Variants in SHROOM3 observed in about 807,000 individuals in gnomAD.
SHROOM3 encodes shroom family member 3.
SHROOM3 carries 47 observed loss-of-function variants against 138.6 expected under a neutral mutation model. The observed-to-expected ratio is 0.34, with a 90% CI of 0.27 to 0.43. The LOEUF (loss-of-function observed/expected upper bound fraction) is 0.43, where lower values mean the gene tolerates loss of function less well. Ranked by LOEUF, SHROOM3 falls within the 20% of genes least tolerant of loss-of-function variation. The probability of loss-of-function intolerance (pLI) is 1.00; values close to 1 mark genes in which losing one functional copy is unlikely to be tolerated. For synonymous variants in SHROOM3, 1,062 were observed against 1,063.3 expected, an observed-to-expected ratio of 1.00 and a Z score of 0.02; for missense variants, 2,491 against 2,596.5, an observed-to-expected ratio of 0.96 and a Z score of 0.88.
chr4:76,641,091 T>C (rs927555320), intron 2 of SHROOM3, among the ~76,000 whole-genome samples: 1 of 152,240 alleles, frequency 6.6e-6, no homozygotes, highest in African/African-American at 2.4e-5. Flanking sequence ...GTATCTGTTG[T>C]ACCGAAAGTA....
intron 2 of SHROOM3, among the ~76,000 whole-genome samples, chr4:76,642,127 T>C (rs1735687847): frequency 2.0e-5 from 3 of 152,186 alleles, no homozygotes; most frequent in Admixed American, 6.5e-5. Context: ...TTATATGTGC[T>C]TCTGATATAG....
chr4:76,517,198 A>T lies in SHROOM3; in HGVS notation c.169-38411A>T, dbSNP rs191064395. 5.8e-3 allele frequency among the ~76,000 whole-genome samples: 878 copies of T among 152,332 alleles called. 6 individuals carry two copies. The highest frequency in any genetic ancestry group is 0.02 in the African/African-American group (847 of 41,580). ...TTGATACATGGAAAATGTCTGCCAG[A>T]GGCCCTGGTGAGAAAGAGTCCGTGT... is the stretch of plus-strand genomic sequence containing the variant. On this transcript the variant is annotated intron_variant, in intron 1 of 10. Coordinates refer to ENST00000296043, the MANE Select transcript of SHROOM3 (RefSeq NM_020859.4).
In SHROOM3 at chr4:76,735,856, AAAAAAAAAAAAAATATATATAT is replaced by A. The variant is rs1483557484; in HGVS notation, c.588-2903_588-2882del. On this transcript the variant is annotated intron_variant, in intron 4 of 10. Transcript: ENST00000296043. ...CTCTATCTTAAAAAAAAAAAAAAAA[AAAAAAAAAAAAAATATATATAT>A]ATATATATATATATATATATATATA... Among the ~76,000 whole-genome samples, 132 of 47,990 alleles carry A rather than the reference AAAAAAAAAAAAAATATATATAT, an allele frequency of 2.8e-3. 1 individual carries two copies. The highest frequency in any genetic ancestry group is 0.024 in the Admixed American group (104 of 4,326). 31.5% of individuals were successfully genotyped at this position (47,990 alleles called of 152,430 possible).
At chr4:76,684,127 C>T (rs1719270788) in intron 2 of SHROOM3, among the ~76,000 whole-genome samples, 3 of 152,158 alleles carry the variant, frequency 2.0e-5, no homozygotes, top group Non-Finnish European at 4.4e-5. Flanking sequence ...ATATCCTTTG[C>T]AATTAATTTA....
intron 2 of SHROOM3, among the ~76,000 whole-genome samples, chr4:76,608,542 TAGCATAGC>T (rs1734672462): frequency 1.9e-5 from 1 of 51,352 alleles, no homozygotes. Context: ...TAGCATAGCA[TAGCATAGC>T]ATAGCATAGC....
At chr4:76,606,804 A>G (rs2110058286) in intron 2 of SHROOM3, among the ~76,000 whole-genome samples, 1 of 152,358 alleles carries the variant, frequency 6.6e-6, no homozygotes, top group South Asian at 2.1e-4. Context: ...TACATGCATT[A>G]TACATTAAAT....
chr4:76,750,132 T>A (rs1280216260), intron 6 of SHROOM3, among the ~76,000 whole-genome samples: 2 of 152,202 alleles, frequency 1.3e-5, no homozygotes, highest in Admixed American at 1.3e-4. Context: ...ATGCTCTTGC[T>A]CCTATAGCTG....
chr4:76,566,910 T>G (rs1733736342), intron 2 of SHROOM3, among the ~76,000 whole-genome samples: 1 of 152,260 alleles, frequency 6.6e-6, no homozygotes, highest in South Asian at 2.1e-4. Flanking sequence ...GTTGGCAAAA[T>G]TATGTCTCTA....
chr4:76,575,872 G>A (rs1342021211), intron 2 of SHROOM3, among the ~76,000 whole-genome samples: 1 of 152,048 alleles, frequency 6.6e-6, no homozygotes, highest in African/African-American at 2.4e-5. Flanking sequence ...CATATAAATG[G>A]CAAACAGATA....
chr4:76,611,789 A>G (rs977685489), intron 2 of SHROOM3, among the ~76,000 whole-genome samples: 2 of 152,154 alleles, frequency 1.3e-5, no homozygotes, highest in African/African-American at 4.8e-5. Flanking sequence ...TGACTTGGGG[A>G]GACTGCCCGT....
chr4:76,686,667 T>C (rs1719344508), intron 2 of SHROOM3, among the ~76,000 whole-genome samples: 1 of 152,144 alleles, frequency 6.6e-6, no homozygotes. Context: ...TCTCAATATC[T>C]ATATGAATCA....
At chr4:76,570,039 T>C (rs1361449522) in intron 2 of SHROOM3, among the ~76,000 whole-genome samples, 3 of 152,118 alleles carry the variant, frequency 2.0e-5, no homozygotes, top group African/African-American at 7.2e-5. Context: ...CCTTGATATA[T>C]AGGTAAAGTT....
In SHROOM3 at chr4:76,779,882, T is replaced by C. The variant is rs1391758937; in HGVS notation, c.*705T>C. The C allele has an allele frequency of 1.3e-5, 2 of 152,728 alleles. No individual in the cohort carries two copies. Among genetic ancestry groups the C allele is most frequent in the African/African-American group, 2.4e-5 (1 of 41,472 alleles). The allele number at this position is 152,728 out of a possible 1,614,324, so 9.5% of individuals were successfully genotyped here. ...TTCTGCGCTTCCACTGGACTGAGTATGGGGGAGTCCTGCTCCCCTCCTGTC... is the reference window on the plus strand; with the variant it reads ...TTCTGCGCTTCCACTGGACTGAGTACGGGGGAGTCCTGCTCCCCTCCTGTC... On this transcript the variant is annotated 3_prime_UTR_variant, in exon 11 of 11. Coordinates refer to ENST00000296043, the MANE Select transcript of SHROOM3 (RefSeq NM_020859.4).
chr4:76,640,134 A>G (rs754249311), intron 2 of SHROOM3, among the ~76,000 whole-genome samples: 2 of 152,166 alleles, frequency 1.3e-5, no homozygotes, highest in East Asian at 1.9e-4. Context: ...AGAGACCCCC[A>G]TAGTTCACGC....
At chr4:76,689,060 G>T (rs917469799) in intron 2 of SHROOM3, 30 of 561,906 alleles carry the variant, frequency 5.3e-5, no homozygotes, top group Non-Finnish European at 6.3e-5. Flanking sequence ...GCGAGCGCGG[G>T]CTTCTTAAAG....
chr4:76,723,674 G>C (rs1307921184), intron 3 of SHROOM3, among the ~76,000 whole-genome samples: 2 of 152,222 alleles, frequency 1.3e-5, no homozygotes, highest in Admixed American at 1.3e-4. Flanking sequence ...TCTGGAGAGA[G>C]ATGCCTGGGT....
At chr4:76,600,197 G>T (rs1734477541) in intron 2 of SHROOM3, among the ~76,000 whole-genome samples, 1 of 152,072 alleles carries the variant, frequency 6.6e-6, no homozygotes, top group Non-Finnish European at 1.5e-5. Flanking sequence ...CAACCAACTT[G>T]CTTTTGCAGC....
intron 2 of SHROOM3, among the ~76,000 whole-genome samples, chr4:76,656,411 A>G (rs936240308): frequency 6.6e-6 from 1 of 152,078 alleles, no homozygotes; most frequent in African/African-American, 2.4e-5. Context: ...ATATTTCTCC[A>G]CTTCTTACCT....
At chr4:76,699,550 C>T (rs745455069) in intron 2 of SHROOM3, among the ~76,000 whole-genome samples, 4 of 152,194 alleles carry the variant, frequency 2.6e-5, no homozygotes, top group Non-Finnish European at 4.4e-5. Context: ...AGTAATGTTT[C>T]CTGCTATAAT....
Sources: allele counts gnomAD v4.1 joint callset (sites outside exome capture counted in the v4.1 genomes callset), GRCh38; gene constraint gnomAD v4.1.1; transcripts MANE v1.5; gene names NCBI Gene and HGNC (gene_info 2026-07-23, HGNC 2026-07-21).